Variants in GRIP2 observed in about 807,000 individuals in gnomAD.
GRIP2 encodes the protein glutamate receptor interacting protein 2.
In GRIP2, 58 loss-of-function variants were observed where a neutral mutation model predicts 108.3. The ratio of observed to expected loss-of-function variants is 0.54; its 90% CI spans 0.43 to 0.67. The LOEUF (loss-of-function observed/expected upper bound fraction) is 0.67. GRIP2 is among the 30% of genes least tolerant of loss of function. GRIP2 has a pLI of 0.00. For synonymous variants in GRIP2, 586 were observed against 598.2 expected, an observed-to-expected ratio of 0.98 and a Z score of 0.30; for missense variants, 1,278 against 1,430.6, an observed-to-expected ratio of 0.89 and a Z score of 1.72.
At chr3:14,503,453 GTACACAT>G in intron 21 of GRIP2, 106 bp downstream of exon 21, 1 of 725,162 alleles carries the variant, frequency 1.4e-6, no homozygotes, top group Middle Eastern at 2.4e-4. Flanking sequence ...GAGTGCATAC[GTACACAT>G]TACACATGAG....
At chr3:14,583,170 C>G in the GRIP2 span, among the ~76,000 whole-genome samples, 2 of 152,146 alleles carry the variant, frequency 1.3e-5, no homozygotes, top group Non-Finnish European at 2.9e-5. Context: ...TGAATTCTTA[C>G]CCTGTCTTAT....
At chr3:14,574,224 T>C in the GRIP2 span, 1 of 868,998 alleles carries the variant, frequency 1.2e-6, no homozygotes, top group Non-Finnish European at 2.0e-6. Flanking sequence ...GCTGTCCATG[T>C]CCTCGATCTG....
chr3:14,532,367 G>C (rs1694731187), intron 1 of GRIP2, among the ~76,000 whole-genome samples: 2 of 151,844 alleles, frequency 1.3e-5, no homozygotes, highest in African/African-American at 4.8e-5. Context: ...CCAGCGTCAG[G>C]GCTCAGCCAG....
chr3:14,500,153 A>C (rs189700624), intron 21 of GRIP2, among the ~76,000 whole-genome samples: 1 of 152,384 alleles, frequency 6.6e-6, no homozygotes, highest in Admixed American at 6.5e-5. Flanking sequence ...ACACAGTAGA[A>C]TAAATACAGC....
chr3:14,541,434 C>T (rs1177528203), upstream of GRIP2, among the ~76,000 whole-genome samples: 2 of 152,210 alleles, frequency 1.3e-5, no homozygotes, highest in East Asian at 3.9e-4. Context: ...TCCATGTGCC[C>T]TGCAGCTAGT....
At position 14,524,432 on chromosome 3, in the gene GRIP2, G is replaced by A. The variant is rs201648124; in HGVS notation, c.364C>T (p.Arg122Cys). ...IITLLKNVGERVVLEVEYELP... is the reference protein window; with the variant it reads ...IITLLKNVGECVVLEVEYELP... The stretch of plus-strand genomic sequence containing the variant: ...TCATACTCCACCTCCAGCACCACGC[G>A]CTCGCCCACATTCTTGAGCAGGGTG... Residue 122 changes from arginine (R) to cysteine (C), a missense_variant, in exon 4 of 24, where the codon CGC becomes TGC. By Grantham distance (180) the Arg-to-Cys change is radical. Coordinates refer to ENST00000621039, the MANE Select transcript of GRIP2 (RefSeq NM_001080423.4). 2.1e-4 allele frequency: 340 copies of A among 1,607,430 alleles called. No homozygotes were observed. Among genetic ancestry groups the A allele is most frequent in the South Asian group, 4.5e-4 (40 of 89,250 alleles).
rs137936366 is a variant in GRIP2, at chr3:14,506,769, G to A, written c.2398+32C>T. On this transcript the variant is annotated intron_variant, in intron 19 of 23. Transcript: ENST00000621039. ...GCAGCAGGGGCGGCCTAGAGAGAGC[G>A]TGCCACTTGTCCAAGGGCCCCAAGG... 784 of 1,544,706 alleles carry A rather than the reference G, an allele frequency of 5.1e-4. 6 individuals are homozygous for A. In the African/African-American group the frequency reaches 9.7e-3, roughly 19 times the overall value.
the GRIP2 span, among the ~76,000 whole-genome samples, chr3:14,570,484 C>T: frequency 6.6e-6 from 1 of 152,188 alleles, no homozygotes; most frequent in South Asian, 2.1e-4. Flanking sequence ...ATGCAAAGTG[C>T]GGCTGCAGGT....
chr3:14,500,902 T>C (rs1471327609), intron 21 of GRIP2, among the ~76,000 whole-genome samples: 1 of 152,170 alleles, frequency 6.6e-6, no homozygotes, highest in African/African-American at 2.4e-5. Context: ...TGGAGAGAAG[T>C]GAAAGAATTC....
chr3:14,586,053 A>G, the GRIP2 span, among the ~76,000 whole-genome samples: 1 of 152,152 alleles, frequency 6.6e-6, no homozygotes, highest in Admixed American at 6.5e-5. Flanking sequence ...TGGCAACCAC[A>G]CTGGCCTCCG....
At chr3:14,519,991 G>C in intron 9 of GRIP2, 119 bp downstream of exon 9, 1 of 979,110 alleles carries the variant, frequency 1.0e-6, no homozygotes, top group Non-Finnish European at 1.5e-6. Flanking sequence ...GGGCAAATGA[G>C]GATTTGTCCT....
chr3:14,599,685 C>CTGTGTGTGTGTGTG, the GRIP2 span, among the ~76,000 whole-genome samples: 4 of 127,466 alleles, frequency 3.1e-5, no homozygotes, highest in African/African-American at 1.2e-4. Flanking sequence ...CTCTCTCTCT[C>CTGTGTGTGTGTGTG]TGTGTGTGTG....
At chr3:14,549,874 G>A (rs558742910) in intron 1 of GRIP2, among the ~76,000 whole-genome samples, 6 of 152,328 alleles carry the variant, frequency 3.9e-5, no homozygotes, top group East Asian at 3.9e-4. Context: ...CTTGGTGGAC[G>A]TGGTGATCAC....
chr3:14,562,655 A>T, the GRIP2 span, among the ~76,000 whole-genome samples: 1 of 152,162 alleles, frequency 6.6e-6, no homozygotes, highest in African/African-American at 2.4e-5. Context: ...TTGGAAAACC[A>T]CCTTTTTGCA....
chr3:14,531,742 G>A (rs1694715638), intron 1 of GRIP2, among the ~76,000 whole-genome samples: 1 of 152,242 alleles, frequency 6.6e-6, no homozygotes, highest in Admixed American at 6.5e-5. Flanking sequence ...GCTGGAAGCA[G>A]ACCCCAGGCC....
chr3:14,555,589 CAGAG>C (rs1285840691), intron 1 of GRIP2, among the ~76,000 whole-genome samples: 1 of 151,060 alleles, frequency 6.6e-6, no homozygotes, highest in African/African-American at 2.4e-5. Flanking sequence ...AGAGGCCAGA[CAGAG>C]AGACAGCAGG....
Position 14,507,391 on chromosome 3 carries a change from C to A in GRIP2, c.2218+170G>T, listed in dbSNP as rs6786611. Among the ~76,000 whole-genome samples the A allele has an allele frequency of 0.025, 3,845 of 152,360 alleles. 65 individuals carry two copies. The highest frequency in any genetic ancestry group is 0.047 in the East Asian group (242 of 5,186). On this transcript the variant is annotated intron_variant, in intron 18 of 23. Transcript: ENST00000621039. This position sits in a 1 kb window ranked among gnomAD's most constrained non-coding sequence, Gnocchi z 4.6. The stretch of plus-strand genomic sequence containing the variant: ...ATTCTGCCCCGTGCCCACTGTGTGG[C>A]CCTGGGCTCATCACTTCCCTCTCTG...
chr3:14,504,195 A>G (rs1207894707), intron 20 of GRIP2, among the ~76,000 whole-genome samples: 2 of 152,176 alleles, frequency 1.3e-5, no homozygotes, highest in Non-Finnish European at 2.9e-5. Context: ...ATCAGTTCCA[A>G]CACTGAGTCT....
chr3:14,504,344 C>T (rs1476563099), intron 20 of GRIP2, among the ~76,000 whole-genome samples: 3 of 136,282 alleles, frequency 2.2e-5, no homozygotes, highest in East Asian at 4.2e-4. Context: ...CAGAGTCTTG[C>T]TCTGTCACCC....
Sources: allele counts gnomAD v4.1 joint callset (sites outside exome capture counted in the v4.1 genomes callset), GRCh38; gene constraint gnomAD v4.1.1; non-coding constraint Gnocchi (gnomAD v3.1); transcripts MANE v1.5; gene names NCBI Gene and HGNC (gene_info 2026-07-23, HGNC 2026-07-21).